Variants in SFMBT2 observed in about 807,000 individuals in gnomAD.
SFMBT2 encodes the protein Scm like with four mbt domains 2.
SFMBT2 carries 38 observed loss-of-function variants against 110.1 expected under a neutral mutation model. The ratio of observed to expected loss-of-function variants is 0.35; its 90% CI spans 0.27 to 0.45. The LOEUF (loss-of-function observed/expected upper bound fraction) is 0.45. SFMBT2 is among the 20% of genes least tolerant of loss of function. The pLI is 1.00. For synonymous variants in SFMBT2, 425 were observed against 425.4 expected (o/e 1.00, Z 0.01); for missense variants, 1,011 against 1,094.9 (o/e 0.92, Z 1.08).
intron 9 of SFMBT2, among the ~76,000 whole-genome samples, chr10:7,233,667 G>A (rs1057156766): frequency 5.3e-5 from 8 of 152,310 alleles, no homozygotes; most frequent in African/African-American, 1.9e-4. Flanking sequence ...TTCTGAGAAA[G>A]TTTCACAACT....
intron 4 of SFMBT2, among the ~76,000 whole-genome samples, chr10:7,303,464 G>A (rs1004715275): frequency 2.0e-5 from 3 of 151,996 alleles, no homozygotes; most frequent in East Asian, 1.9e-4. Context: ...TTTCCACCAC[G>A]GAAAGATGGG....
intron 2 of SFMBT2, 55 bp from the exon 3 acceptor site, chr10:7,370,430 G>T: frequency 7.0e-7 from 1 of 1,431,854 alleles, no homozygotes; most frequent in Non-Finnish European, 9.8e-7. Flanking sequence ...ACAGAAAGGT[G>T]CTGGCCTGCA....
Position 7,172,438 on chromosome 10 carries a change from C to T in SFMBT2, c.2151+57G>A, listed in dbSNP as rs1837909193. Reference sequence around the variant, plus strand: ...CTCTGCTGTGAAGCAGCCACACTTGCCGGCCAGGGCCAGATGACAGAGCTA... The same window carrying T: ...CTCTGCTGTGAAGCAGCCACACTTGTCGGCCAGGGCCAGATGACAGAGCTA... On this transcript the variant is annotated intron_variant, in intron 18 of 20. Coordinates refer to ENST00000397167, the MANE Select transcript of SFMBT2 (RefSeq NM_001387889.1). The surrounding 1 kb of genome is among the most constrained non-coding windows in gnomAD (Gnocchi z 4.6). The T allele has an allele frequency of 6.2e-7, 1 of 1,609,514 alleles. No individual in the cohort carries two copies. The highest frequency in any genetic ancestry group is 8.5e-7 in the Non-Finnish European group (1 of 1,178,928).
chr10:7,188,232 A>G (rs1051915396), intron 16 of SFMBT2, among the ~76,000 whole-genome samples: 9 of 152,212 alleles, frequency 5.9e-5, no homozygotes, highest in African/African-American at 2.2e-4. Flanking sequence ...GAGCATTTGC[A>G]TTTAGCATAG....
intron 9 of SFMBT2, among the ~76,000 whole-genome samples, chr10:7,238,595 A>G (rs1588372428): frequency 6.6e-6 from 1 of 152,182 alleles, no homozygotes; most frequent in Non-Finnish European, 1.5e-5. Context: ...TAATTAAAAT[A>G]CACCTTTACT....
At position 7,320,525 on chromosome 10, in the gene SFMBT2, A is replaced by T. The variant is rs561822514; in HGVS notation, c.437-34571T>A. On this transcript the variant is annotated intron_variant, in intron 4 of 20. Coordinates refer to ENST00000397167, the MANE Select transcript of SFMBT2 (RefSeq NM_001387889.1). The stretch of plus-strand genomic sequence containing the variant: ...TGGAGAATCACTGGAGTATTTTCTT[A>T]TGAAAGGAACCATTTCACTATAGGA... 1.0e-5 allele frequency: 9 copies of T among 875,382 alleles called. No individual in the cohort carries two copies. The South Asian group carries it at 3.7e-4, about 36-fold the overall frequency. The allele number at this position is 875,382 out of a possible 1,614,324, so 54.2% of individuals were successfully genotyped here.
chr10:7,359,053 C>T (rs564637339), intron 4 of SFMBT2, among the ~76,000 whole-genome samples: 6 of 152,048 alleles, frequency 3.9e-5, no homozygotes, highest in African/African-American at 9.7e-5. Flanking sequence ...GTCAGTGGCA[C>T]GAAGAAGAGT....
At chr10:7,393,511 T>C (rs776278943) in intron 1 of SFMBT2, among the ~76,000 whole-genome samples, 9 of 152,204 alleles carry the variant, frequency 5.9e-5, no homozygotes, top group Non-Finnish European at 1.2e-4. Context: ...TTTTGCAGTC[T>C]CTAATGACTT....
At chr10:7,236,578 A>G (rs764447687) in intron 9 of SFMBT2, among the ~76,000 whole-genome samples, 6 of 152,224 alleles carry the variant, frequency 3.9e-5, no homozygotes, top group African/African-American at 7.2e-5. Context: ...AAGTGGGGAA[A>G]TGAAAAACTT....
rs569795406 is a variant in SFMBT2, at chr10:7,210,972, G to A, written c.1331-5044C>T. On this transcript the variant is annotated intron_variant, in intron 11 of 20. Transcript: ENST00000397167. ...AGAGACCCACACAGTAGCAAACACA[G>A]TGCTTACTCCATTCCAAGCGTTCAA... Among the ~76,000 whole-genome samples the A allele has an allele frequency of 6.6e-5, 10 of 152,240 alleles. No individual in the cohort carries two copies. The South Asian group carries it at 2.1e-3, about 32-fold the overall frequency.
chr10:7,329,011 C>T (rs1843480433), intron 4 of SFMBT2, among the ~76,000 whole-genome samples: 1 of 152,192 alleles, frequency 6.6e-6, no homozygotes, highest in South Asian at 2.1e-4. Flanking sequence ...AAATTCCCTG[C>T]CGGCTCCTGA....
At chr10:7,284,362 A>G in intron 5 of SFMBT2, 9 of 1,307,422 alleles carry the variant, frequency 6.9e-6, no homozygotes, top group Non-Finnish European at 8.7e-6. Flanking sequence ...TCCGTATCCA[A>G]CAACAAAAAA....
chr10:7,246,967 A>G (rs922096348), intron 8 of SFMBT2, among the ~76,000 whole-genome samples: 2 of 152,200 alleles, frequency 1.3e-5, no homozygotes, highest in African/African-American at 4.8e-5. Context: ...CAGGATACAC[A>G]GTAAAGAACT....
At chr10:7,248,761 C>A in intron 7 of SFMBT2, 112 bp from the exon 8 acceptor site, 1 of 796,822 alleles carries the variant, frequency 1.3e-6, no homozygotes, top group Admixed American at 2.6e-5. Context: ...CTTATGGAGA[C>A]AATTAACCTT....
chr10:7,260,239 C>G (rs61834629), intron 7 of SFMBT2, among the ~76,000 whole-genome samples: 81,797 of 152,026 alleles, frequency 0.54, 23,248 homozygotes, highest in East Asian at 0.84. Context: ...ATTAAAGGGC[C>G]TTCTCACACA....
At chr10:7,393,069 G>A (rs1361167274) in intron 1 of SFMBT2, among the ~76,000 whole-genome samples, 18 of 134,186 alleles carry the variant, frequency 1.3e-4, no homozygotes, top group African/African-American at 3.3e-4. Context: ...GTCTTGCTCC[G>A]TCGCCCAGGC....
intron 7 of SFMBT2, among the ~76,000 whole-genome samples, chr10:7,273,221 A>AAAT (rs1841655986): frequency 1.3e-5 from 2 of 152,276 alleles, no homozygotes; most frequent in Non-Finnish European, 2.9e-5. Flanking sequence ...AAATGTAGAC[A>AAAT]GCATTTTATC....
At chr10:7,251,977 A>G (rs182129152) in intron 7 of SFMBT2, among the ~76,000 whole-genome samples, 30 of 152,206 alleles carry the variant, frequency 2.0e-4, no homozygotes, top group African/African-American at 6.7e-4. Flanking sequence ...CGCCCTCTTC[A>G]TTCCCTCCAT....
intron 15 of SFMBT2, among the ~76,000 whole-genome samples, chr10:7,191,060 C>A (rs530766666): frequency 1.3e-5 from 2 of 150,354 alleles, no homozygotes; most frequent in East Asian, 3.9e-4. Context: ...GATTGTGAGG[C>A]CTCCCCAGCC....
Sources: gnomAD v4.1 joint callset for allele counts (sites outside exome capture counted in the v4.1 genomes callset) on GRCh38, gnomAD v4.1.1 for gene constraint, Gnocchi (gnomAD v3.1) non-coding constraint, MANE v1.5 for transcripts, NCBI Gene and HGNC (gene_info 2026-07-23, HGNC 2026-07-21) for gene names.